NCKAP1: variants seen among roughly 807,000 people sequenced by gnomAD.
The protein encoded by NCKAP1 is NCK associated protein 1.
NCKAP1 carries 21 observed loss-of-function variants against 151.2 expected under a neutral mutation model. The observed-to-expected ratio is 0.14, with a 90% confidence interval of 0.10 to 0.20. The LOEUF is 0.20. Among genes scored for constraint, NCKAP1 ranks in the 10% least tolerant of loss-of-function variants. NCKAP1 has a pLI of 1.00. For missense variants in NCKAP1, 933 were observed against 1,352.1 expected, an observed-to-expected ratio of 0.69 and a Z score of 4.86; for synonymous variants, 484 against 451.8, an observed-to-expected ratio of 1.07 and a Z score of -0.90.
rs1553507195 is a variant in NCKAP1 at position 182,912,849 on chromosome 2, A to AAGGAAGGAAGGAAGGAAGG, written c.*12852_*12853insCCTTCCTTCCTTCCTTCCT. On this transcript the variant is annotated 3_prime_UTR_variant, in exon 31 of 31. Coordinates refer to ENST00000361354, the MANE Select transcript of NCKAP1 (RefSeq NM_013436.5). ...CAAAACCAAAGAAAGATAGAGGAAGAAAGGAAGGAAGGAAGGAAGGAAGGA... is the reference window on the plus strand; with the variant it reads ...CAAAACCAAAGAAAGATAGAGGAAGAAGGAAGGAAGGAAGGAAGGAAGGAAGGAAGGAAGGAAGGAAGGA... 2.4e-4 allele frequency: 32 copies of AAGGAAGGAAGGAAGGAAGG among 133,470 alleles called. No homozygotes were observed. Among genetic ancestry groups the AAGGAAGGAAGGAAGGAAGG allele is most frequent in the Non-Finnish European group, 2.9e-4 (18 of 62,070 alleles). The allele number at this position is 133,470 out of a possible 1,614,324, so 8.3% of individuals were successfully genotyped here. A position where few individuals can be genotyped will look rare whatever the true frequency, so the allele number is the denominator to read the frequency against.
At chr2:182,968,381 G>C (rs1457610966) in intron 15 of NCKAP1, among the ~76,000 whole-genome samples, 1 of 152,174 alleles carries the variant, frequency 6.6e-6, no homozygotes, top group Non-Finnish European at 1.5e-5. Context: ...ATGATGGTCA[G>C]GATTTTGGCT....
chr2:182,959,829 C>G (rs1697406211), intron 18 of NCKAP1, among the ~76,000 whole-genome samples: 1 of 152,170 alleles, frequency 6.6e-6, no homozygotes, highest in South Asian at 2.1e-4. Flanking sequence ...GATTGTATAT[C>G]TAGAAAACCC....
chr2:182,955,872 A>G (rs1415476300), intron 20 of NCKAP1, among the ~76,000 whole-genome samples: 1 of 152,068 alleles, frequency 6.6e-6, no homozygotes, highest in East Asian at 1.9e-4. Context: ...CTGGGTTGCC[A>G]CCTGCAAGAT....
intron 1 of NCKAP1, chr2:183,025,042 T>C: frequency 6.3e-7 from 1 of 1,580,106 alleles, no homozygotes; most frequent in Middle Eastern, 1.7e-4. Context: ...GTGTAAACAA[T>C]GATTGTCAAA....
At chr2:182,961,468 C>T (rs1379400868) in intron 18 of NCKAP1, among the ~76,000 whole-genome samples, 1 of 152,160 alleles carries the variant, frequency 6.6e-6, no homozygotes, top group African/African-American at 2.4e-5. Context: ...TCTCAGCAAA[C>T]TATCGCAAGG....
At chr2:183,005,225 T>C (rs1255233530) in intron 2 of NCKAP1, among the ~76,000 whole-genome samples, 1 of 152,202 alleles carries the variant, frequency 6.6e-6, no homozygotes, top group East Asian at 1.9e-4. Flanking sequence ...AATAGTAAGA[T>C]ATGAAGGGTA....
At chr2:182,988,597 C>A (rs1698104065) in intron 9 of NCKAP1, among the ~76,000 whole-genome samples, 1 of 152,308 alleles carries the variant, frequency 6.6e-6, no homozygotes, top group African/African-American at 2.4e-5. Flanking sequence ...TTCCTACATG[C>A]AGTGATATGA....
chr2:182,911,783 G>C lies in NCKAP1; in HGVS notation c.*13919C>G, dbSNP rs1292194894. 6.6e-6 allele frequency: 1 copy of C among 151,734 alleles called. No individual in the cohort carries two copies. Among genetic ancestry groups the C allele is most frequent in the Non-Finnish European group, 1.5e-5 (1 of 67,962 alleles). 9.4% of individuals were successfully genotyped at this position (151,734 alleles called of 1,614,324 possible). ...AACAGAACCGCTTTTGGAGAAACTT[G>C]CCCTTATATACTCTCTTATAATTGC... is the stretch of plus-strand genomic sequence containing the variant. On this transcript the variant is annotated 3_prime_UTR_variant, in exon 31 of 31. Transcript: ENST00000361354.
intron 1 of NCKAP1, among the ~76,000 whole-genome samples, chr2:183,027,547 T>C (rs1199462201): frequency 2.0e-5 from 3 of 152,068 alleles, no homozygotes; most frequent in Non-Finnish European, 2.9e-5. Flanking sequence ...CAAAGAACCA[T>C]AACAAATAAT....
intron 26 of NCKAP1, 66 bp from the exon 27 acceptor site, chr2:182,930,854 T>C (rs1387958075): frequency 7.2e-7 from 1 of 1,383,096 alleles, no homozygotes; most frequent in East Asian, 2.4e-5. Context: ...AGCTCACTGT[T>C]TATTAGAGTC....
At chr2:183,031,656 C>G (rs960557051) in intron 1 of NCKAP1, among the ~76,000 whole-genome samples, 1 of 152,200 alleles carries the variant, frequency 6.6e-6, no homozygotes, top group African/African-American at 2.4e-5. Context: ...CCACCATTTC[C>G]TCAGCTCTTA....
Position 182,957,602 on chromosome 2 carries a change from T to G in NCKAP1, c.1882-6A>C. 1 of 1,609,276 alleles carries G rather than the reference T, an allele frequency of 6.2e-7. No homozygotes were observed. Among genetic ancestry groups the G allele is most frequent in the Non-Finnish European group, 8.5e-7 (1 of 1,178,574 alleles). On this transcript the variant is annotated splice_polypyrimidine_tract_variant and splice_region_variant and intron_variant, in intron 18 of 30. Transcript: ENST00000361354. ...GCACAATGCTTGGGTAGCAACTAAA[T>G]TTAGAAAAGAATGAAATCTTACATT...
chr2:182,946,146 TC>T (rs1342229473), intron 23 of NCKAP1, among the ~76,000 whole-genome samples: 21 of 152,274 alleles, frequency 1.4e-4, no homozygotes, highest in African/African-American at 5.1e-4. Context: ...ACGCCTGTAA[TC>T]TCAGCATTTT....
At chr2:182,983,144 C>T in intron 11 of NCKAP1, 142 bp downstream of exon 11, 1 of 717,332 alleles carries the variant, frequency 1.4e-6, no homozygotes, top group Non-Finnish European at 2.3e-6. Flanking sequence ...GTATGAATGT[C>T]AAGTCAGCAA....
At chr2:182,961,813 T>C (rs1018722667) in intron 18 of NCKAP1, among the ~76,000 whole-genome samples, 1 of 151,994 alleles carries the variant, frequency 6.6e-6, no homozygotes, top group African/African-American at 2.4e-5. Context: ...CGGGGCAATC[T>C]GAGCTTCAAT....
At chr2:182,971,861 T>C (rs570917531) in intron 15 of NCKAP1, among the ~76,000 whole-genome samples, 1 of 152,132 alleles carries the variant, frequency 6.6e-6, no homozygotes, top group African/African-American at 2.4e-5. Flanking sequence ...GATATCCACA[T>C]GTAAAGGAAT....
chr2:182,916,450 C>A lies in NCKAP1; in HGVS notation c.*9252G>T, dbSNP rs544303558. ...ACAGAAAGATGAAATAAACCTAGAC[C>A]GTGACCTCAAGGCAGTCCCAGAATC... On this transcript the variant is annotated 3_prime_UTR_variant, in exon 31 of 31. Coordinates refer to ENST00000361354, the MANE Select transcript of NCKAP1 (RefSeq NM_013436.5). 1 of 152,036 alleles carries A rather than the reference C, an allele frequency of 6.6e-6. No individual in the cohort carries two copies. The highest frequency in any genetic ancestry group is 6.6e-5 in the Admixed American group (1 of 15,248). The allele number at this position is 152,036 out of a possible 1,614,324, so 9.4% of individuals were successfully genotyped here. A position where few individuals can be genotyped will look rare whatever the true frequency, so the allele number is the denominator to read the frequency against.
chr2:183,000,067 G>A (rs376388089), intron 6 of NCKAP1, among the ~76,000 whole-genome samples: 1 of 152,088 alleles, frequency 6.6e-6, no homozygotes, highest in Non-Finnish European at 1.5e-5. Flanking sequence ...TTTGGCAACA[G>A]GATCATTAGA....
chr2:183,029,509 G>C (rs1698964380), intron 1 of NCKAP1, among the ~76,000 whole-genome samples: 2 of 150,846 alleles, frequency 1.3e-5, no homozygotes, highest in Admixed American at 1.3e-4. Context: ...ATTCACAAGA[G>C]ATTAAGCAAC....
Sources: gnomAD v4.1 joint callset for allele counts (sites outside exome capture counted in the v4.1 genomes callset) on GRCh38, gnomAD v4.1.1 for gene constraint, MANE v1.5 for transcripts, NCBI Gene and HGNC (gene_info 2026-07-23, HGNC 2026-07-21) for gene names.